The following OTOGL variants were observed in gnomAD, a reference collection of about 807,000 sequenced individuals.
OTOGL encodes otogelin-like protein.
OTOGL carries 285 observed loss-of-function variants against 318.5 expected under a neutral mutation model. The ratio of observed to expected loss-of-function variants is 0.89; its 90% CI spans 0.81 to 0.99. The LOEUF is 0.99. Among genes scored for constraint, OTOGL ranks in the 50% least tolerant of loss-of-function variants. The pLI is 0.00. For missense variants in OTOGL, 2,899 were observed against 2,845.6 expected, an observed-to-expected ratio of 1.02 and a Z score of -0.43; for synonymous variants, 987 against 936.5, an observed-to-expected ratio of 1.05 and a Z score of -0.99.
intron 1 of OTOGL, among the ~76,000 whole-genome samples, chr12:80,197,735 C>T (rs1208489409): frequency 6.6e-5 from 10 of 152,220 alleles, no homozygotes; most frequent in Non-Finnish European, 1.3e-4. Flanking sequence ...AGAGATGAGT[C>T]GAGTTCAGCT....
intron 52 of OTOGL, among the ~76,000 whole-genome samples, chr12:80,364,554 T>C (rs1890416815): frequency 1.3e-5 from 2 of 152,246 alleles, no homozygotes; most frequent in South Asian, 4.1e-4. Flanking sequence ...CTGTACCTAT[T>C]GCAGTCGTTC....
At chr12:80,127,757 C>T (rs1054147240) in intron 1 of OTOGL, among the ~76,000 whole-genome samples, 1 of 152,128 alleles carries the variant, frequency 6.6e-6, no homozygotes, top group African/African-American at 2.4e-5. Context: ...TCTTTTTTCT[C>T]TAAACTTCTT....
chr12:80,336,370 C>A, intron 39 of OTOGL, 43 bp from the exon 40 acceptor site: 1 of 1,512,334 alleles, frequency 6.6e-7, no homozygotes, highest in Non-Finnish European at 8.8e-7. Context: ...ACTGAAAATG[C>A]AGATAGTTAA....
chr12:80,320,710 C>T lies in OTOGL; in HGVS notation c.4081+10C>T, dbSNP rs560266718. The T allele has an allele frequency of 1.7e-5, 27 of 1,571,854 alleles. No homozygotes were observed. The East Asian group carries it at 5.2e-4, about 30-fold the overall frequency. The stretch of plus-strand genomic sequence containing the variant: ...AGCTTCAGCATAGAAGGTATGTTTC[C>T]TGAGATCTCCAAAAAGAGAACAAAT... On this transcript the variant is annotated intron_variant, in intron 34 of 58. Transcript: ENST00000547103.
intron 1 of OTOGL, among the ~76,000 whole-genome samples, chr12:80,172,685 C>A (rs563301241): frequency 6.6e-6 from 1 of 151,906 alleles, no homozygotes; most frequent in Non-Finnish European, 1.5e-5. Context: ...ACATATACAC[C>A]ATGGAATACT....
chr12:80,359,037 A>G, intron 52 of OTOGL, 137 bp downstream of exon 52: 1 of 706,140 alleles, frequency 1.4e-6, no homozygotes, highest in Non-Finnish European at 2.3e-6. Flanking sequence ...GATTAAAATA[A>G]TGTGCTCTGA....
chr12:80,207,394 G>A (rs1445892095), intron 1 of OTOGL, among the ~76,000 whole-genome samples: 3 of 151,918 alleles, frequency 2.0e-5, no homozygotes, highest in East Asian at 3.9e-4. Context: ...TAGTAGAGAC[G>A]GGGTTTTTCC....
chr12:80,349,193 T>C (rs1482567520), intron 44 of OTOGL, among the ~76,000 whole-genome samples: 3 of 152,006 alleles, frequency 2.0e-5, no homozygotes, highest in Non-Finnish European at 4.4e-5. Context: ...TCAGAGGAGA[T>C]AAGTTGAGGC....
At chr12:80,194,835 C>A (rs1875942119) in intron 1 of OTOGL, among the ~76,000 whole-genome samples, 1 of 151,918 alleles carries the variant, frequency 6.6e-6, no homozygotes, top group Admixed American at 6.6e-5. Flanking sequence ...CAAATAAATA[C>A]CAAACTGGAA....
intron 1 of OTOGL, among the ~76,000 whole-genome samples, chr12:80,135,248 C>T (rs1357914227): frequency 4.2e-5 from 3 of 71,626 alleles, no homozygotes; most frequent in African/African-American, 1.5e-4. Context: ...TTTCTTGAGC[C>T]CCTCCCCTCC....
chr12:80,188,906 A>G (rs1337232242), intron 1 of OTOGL, among the ~76,000 whole-genome samples: 1 of 152,214 alleles, frequency 6.6e-6, no homozygotes, highest in Non-Finnish European at 1.5e-5. Flanking sequence ...TAAGGATTTT[A>G]TAATTTATAA....
chr12:80,231,052 TAA>T (rs1879315686), intron 8 of OTOGL, among the ~76,000 whole-genome samples: 1 of 152,152 alleles, frequency 6.6e-6, no homozygotes, highest in Non-Finnish European at 1.5e-5. Flanking sequence ...AATTTACTGT[TAA>T]AGAGACCAAA....
At chr12:80,328,971 C>A in intron 36 of OTOGL, 80 bp from the exon 37 acceptor site, 1 of 1,304,660 alleles carries the variant, frequency 7.7e-7, no homozygotes, top group South Asian at 1.4e-5. Flanking sequence ...TTCCTTGAAG[C>A]TAAAGAGTCC....
At chr12:80,185,930 C>T (rs1345501047) in intron 1 of OTOGL, among the ~76,000 whole-genome samples, 10 of 152,050 alleles carry the variant, frequency 6.6e-5, no homozygotes, top group African/African-American at 2.2e-4. Context: ...AAAAAAGGGA[C>T]AAATAAGAAG....
intron 44 of OTOGL, among the ~76,000 whole-genome samples, chr12:80,345,099 T>TA (rs1889090977): frequency 3.5e-5 from 1 of 28,304 alleles, no homozygotes; most frequent in Non-Finnish European, 6.2e-5. Context: ...TTATATTTTA[T>TA]ATATTATAAT....
intron 1 of OTOGL, among the ~76,000 whole-genome samples, chr12:80,167,919 CTCT>C (rs1247032902): frequency 1.3e-5 from 2 of 151,930 alleles, no homozygotes; most frequent in Non-Finnish European, 2.9e-5. Flanking sequence ...CTTTTCTTTT[CTCT>C]TCTTTTCTTT....
intron 34 of OTOGL, among the ~76,000 whole-genome samples, chr12:80,322,821 C>A (rs894867955): frequency 1.3e-5 from 2 of 152,136 alleles, no homozygotes; most frequent in African/African-American, 2.4e-5. Flanking sequence ...TGGTACAAGG[C>A]AACGTGCTAA....
chr12:80,223,302 A>G (rs1038069444), intron 7 of OTOGL, among the ~76,000 whole-genome samples: 5 of 151,724 alleles, frequency 3.3e-5, no homozygotes, highest in African/African-American at 1.2e-4. Context: ...ATGTATATAT[A>G]TCATATTTTC....
intron 1 of OTOGL, among the ~76,000 whole-genome samples, chr12:80,155,853 A>C (rs1162997196): frequency 6.6e-6 from 1 of 152,212 alleles, no homozygotes; most frequent in Non-Finnish European, 1.5e-5. Context: ...TACCACAGAT[A>C]AGTGAGAACG....
Sources: gnomAD v4.1 joint callset for allele counts (sites outside exome capture counted in the v4.1 genomes callset) on GRCh38, gnomAD v4.1.1 for gene constraint, MANE v1.5 for transcripts, NCBI Gene and HGNC (gene_info 2026-07-23, HGNC 2026-07-21) for gene names.